The following UTRN variants were observed in gnomAD, a reference collection of about 807,000 sequenced individuals.
UTRN encodes utrophin, also known as dystrophin-related protein 1.
UTRN carries 283 observed loss-of-function variants against 463.9 expected under a neutral mutation model. The observed-to-expected ratio is 0.61, with a 90% CI of 0.55 to 0.67. The LOEUF (loss-of-function observed/expected upper bound fraction) is 0.67, where lower values mean the gene tolerates loss of function less well. UTRN is among the 30% of genes least tolerant of loss of function. The pLI is 0.00. For missense variants in UTRN, 3,922 were observed against 4,084.3 expected (o/e 0.96, Z 1.08); for synonymous variants, 1,442 against 1,431.5 (o/e 1.01, Z -0.17).
At chr6:144,345,979 A>G (rs2114642260) in intron 2 of UTRN, among the ~76,000 whole-genome samples, 1 of 152,158 alleles carries the variant, frequency 6.6e-6, no homozygotes, top group Middle Eastern at 3.4e-3. Flanking sequence ...GGAGTTCTAG[A>G]CCAGCCTGGC....
intron 31 of UTRN, 112 bp downstream of exon 31, chr6:144,490,311 A>G (rs748835649): frequency 7.0e-7 from 1 of 1,430,692 alleles, no homozygotes; most frequent in Admixed American, 2.4e-5. Flanking sequence ...GATGTAAACC[A>G]TGGGATGGGA....
intron 65 of UTRN, among the ~76,000 whole-genome samples, chr6:144,804,773 G>A (rs114707942): frequency 6.6e-6 from 1 of 152,114 alleles, no homozygotes; most frequent in Non-Finnish European, 1.5e-5. Context: ...CCTTGAGAAA[G>A]ACACTCCTGA....
intron 18 of UTRN, among the ~76,000 whole-genome samples, chr6:144,452,945 G>GAAAAAAAA (rs1175934612): frequency 1.4e-5 from 1 of 69,804 alleles, no homozygotes; most frequent in African/African-American, 5.0e-5. Context: ...CTGCCTCAAA[G>GAAAAAAAA]AAAAAAAAAA....
Position 144,635,504 on chromosome 6 carries a change from CT to C in UTRN, c.7480-42893del, listed in dbSNP as rs200118539. Reference sequence around the variant, plus strand: ...TTCTCAGTATTACTTAGCAGCTAGCCTTTTTTTTTCTTTTTTTTTTTTTTTC... The same window carrying C: ...TTCTCAGTATTACTTAGCAGCTAGCCTTTTTTTTCTTTTTTTTTTTTTTTC... On this transcript the variant is annotated intron_variant, in intron 51 of 74. Coordinates refer to ENST00000367545, the MANE Select transcript of UTRN (RefSeq NM_007124.3). Among the ~76,000 whole-genome samples, 243 of 47,944 alleles carry C rather than the reference CT, an allele frequency of 5.1e-3. 1 individual carries two copies. Among genetic ancestry groups the C allele is most frequent in the African/African-American group, 0.015 (222 of 14,974 alleles). The allele number at this position is 47,944 out of a possible 152,430, so 31.5% of individuals were successfully genotyped here.
At chr6:144,352,996 G>A (rs1443449956) in intron 2 of UTRN, among the ~76,000 whole-genome samples, 2 of 151,950 alleles carry the variant, frequency 1.3e-5, no homozygotes, top group African/African-American at 2.4e-5. Context: ...AAGCTAGAGT[G>A]TAATGGCATG....
At chr6:144,321,960 T>TA (rs2114585006) in intron 2 of UTRN, among the ~76,000 whole-genome samples, 1 of 151,714 alleles carries the variant, frequency 6.6e-6, no homozygotes, top group East Asian at 1.9e-4. Context: ...GATGGGGTTT[T>TA]ACCATGTTGG....
chr6:144,629,595 T>C (rs1776303065), intron 51 of UTRN, among the ~76,000 whole-genome samples: 1 of 152,206 alleles, frequency 6.6e-6, no homozygotes, highest in Non-Finnish European at 1.5e-5. Context: ...AGCAGGGATG[T>C]TGCATCCTAA....
chr6:144,736,029 A>G (rs1471464535), intron 54 of UTRN, among the ~76,000 whole-genome samples: 1 of 152,106 alleles, frequency 6.6e-6, no homozygotes, highest in Admixed American at 6.5e-5. Flanking sequence ...AAGTCATGTC[A>G]ATTTAACTTT....
chr6:144,664,474 T>TG (rs1161783603), intron 51 of UTRN, among the ~76,000 whole-genome samples: 2 of 150,930 alleles, frequency 1.3e-5, no homozygotes, highest in African/African-American at 4.9e-5. Context: ...TGTCTTACTT[T>TG]TTTTTTTTTT....
At chr6:144,775,110 A>G (rs1775205185) in intron 60 of UTRN, among the ~76,000 whole-genome samples, 2 of 152,234 alleles carry the variant, frequency 1.3e-5, no homozygotes. Context: ...AAAAGTTTCA[A>G]GTATTCTTCT....
At chr6:144,793,180 A>G (rs947517285) in intron 62 of UTRN, among the ~76,000 whole-genome samples, 1 of 152,206 alleles carries the variant, frequency 6.6e-6, no homozygotes, top group African/African-American at 2.4e-5. Context: ...ATATACATTT[A>G]GTAGAATATT....
intron 9 of UTRN, among the ~76,000 whole-genome samples, chr6:144,431,214 A>G (rs1785809560): frequency 6.6e-6 from 1 of 152,132 alleles, no homozygotes; most frequent in Non-Finnish European, 1.5e-5. Flanking sequence ...TTTAGTTCTT[A>G]TAGTTAAGGG....
At chr6:144,539,819 A>G (rs1460094661) in intron 45 of UTRN, among the ~76,000 whole-genome samples, 1 of 151,914 alleles carries the variant, frequency 6.6e-6, no homozygotes, top group Non-Finnish European at 1.5e-5. Flanking sequence ...AGATGGGGGG[A>G]ATCACATGAG....
chr6:144,786,578 C>T (rs61394186), intron 61 of UTRN, among the ~76,000 whole-genome samples: 11,677 of 152,120 alleles, frequency 0.077, 1,245 homozygotes, highest in African/African-American at 0.24. Flanking sequence ...GCCACCGCGC[C>T]GGGCCTGAAT....
chr6:144,425,231 AGTTCAGGTT>A (rs1785188831), intron 6 of UTRN, among the ~76,000 whole-genome samples: 1 of 152,154 alleles, frequency 6.6e-6, no homozygotes, highest in Non-Finnish European at 1.5e-5. Context: ...CTTATGATTA[AGTTCAGGTT>A]GTTCACTTTT....
chr6:144,621,505 T>C (rs1202602679), intron 51 of UTRN, among the ~76,000 whole-genome samples: 1 of 152,188 alleles, frequency 6.6e-6, no homozygotes, highest in African/African-American at 2.4e-5. Context: ...ACGCCCTATC[T>C]TGGGCTCCCA....
intron 31 of UTRN, among the ~76,000 whole-genome samples, 153 bp from the exon 32 acceptor site, chr6:144,490,776 G>A (rs1433823395): frequency 6.6e-6 from 1 of 152,196 alleles, no homozygotes; most frequent in East Asian, 1.9e-4. Context: ...TACCCTCACT[G>A]AGATTCATTA....
chr6:144,611,862 T>A (rs1805563837), intron 51 of UTRN, among the ~76,000 whole-genome samples: 1 of 152,140 alleles, frequency 6.6e-6, no homozygotes, highest in African/African-American at 2.4e-5. Context: ...ATCCTCAAAT[T>A]TGTATGAATC....
At chr6:144,511,432 C>A (rs1276154926) in intron 35 of UTRN, among the ~76,000 whole-genome samples, 3 of 152,118 alleles carry the variant, frequency 2.0e-5, no homozygotes, top group Non-Finnish European at 4.4e-5. Flanking sequence ...CTATCAGAAG[C>A]TATTTTTATA....
Sources: gnomAD v4.1 joint callset for allele counts (sites outside exome capture counted in the v4.1 genomes callset) on GRCh38, gnomAD v4.1.1 for gene constraint, MANE v1.5 for transcripts, NCBI Gene and HGNC (gene_info 2026-07-23, HGNC 2026-07-21) for gene names.